PCDHGA5: variants seen among roughly 807,000 people sequenced by gnomAD.
PCDHGA5 encodes protocadherin gamma subfamily A, 5.
Under a neutral mutation model 56.7 loss-of-function variants are expected in PCDHGA5, and 36 were observed. The observed-to-expected ratio is 0.64, with a 90% CI of 0.49 to 0.84. PCDHGA5 has a LOEUF of 0.84. Among genes scored for constraint, PCDHGA5 ranks in the 40% least tolerant of loss-of-function variants. The pLI, the probability that PCDHGA5 is intolerant of heterozygous loss-of-function variation, is 0.00. For synonymous variants in PCDHGA5, 563 were observed against 520.2 expected (o/e 1.08, Z -1.12); for missense variants, 1,305 against 1,201.5 (o/e 1.09, Z -1.27).
intron 1 of PCDHGA5, chr5:141,375,897 C>A (rs1456506633): frequency 3.7e-6 from 6 of 1,613,680 alleles, no homozygotes; most frequent in Non-Finnish European, 5.1e-6. Context: ...GCCTGGCTGT[C>A]CTACCGCCTG....
At chr5:141,369,400 T>A (rs1766214722) in intron 1 of PCDHGA5, among the ~76,000 whole-genome samples, 2 of 152,120 alleles carry the variant, frequency 1.3e-5, no homozygotes, top group Non-Finnish European at 2.9e-5. Flanking sequence ...GCCAGGGTGG[T>A]TCATGACTAT....
intron 1 of PCDHGA5, among the ~76,000 whole-genome samples, chr5:141,425,417 G>A (rs1238708306): frequency 2.0e-5 from 3 of 152,162 alleles, no homozygotes; most frequent in East Asian, 3.9e-4. Context: ...ATAACATATA[G>A]TCCCATTAAA....
intron 1 of PCDHGA5, chr5:141,408,907 C>T: frequency 6.2e-7 from 1 of 1,613,244 alleles, no homozygotes; most frequent in East Asian, 2.2e-5. Context: ...TCAAGGATAC[C>T]AATGATAACC....
intron 1 of PCDHGA5, chr5:141,372,982 GT>G: frequency 1.6e-6 from 1 of 641,336 alleles, no homozygotes; most frequent in East Asian, 2.8e-5. Flanking sequence ...GAATATCTGT[GT>G]TGCAGTTGTT....
chr5:141,483,660 G>GTCTGTA (rs2099584988), intron 1 of PCDHGA5, among the ~76,000 whole-genome samples: 1 of 152,094 alleles, frequency 6.6e-6, no homozygotes, highest in Non-Finnish European at 1.5e-5. Context: ...GTGTGTGTGT[G>GTCTGTA]TGTGTGTGTA....
At chr5:141,438,210 A>G (rs1228726792) in intron 1 of PCDHGA5, among the ~76,000 whole-genome samples, 2 of 152,188 alleles carry the variant, frequency 1.3e-5, no homozygotes, top group Non-Finnish European at 2.9e-5. Flanking sequence ...ACCATATGGG[A>G]AGGGCTCTGG....
At chr5:141,423,375 G>C in intron 1 of PCDHGA5, 1 of 1,614,192 alleles carries the variant, frequency 6.2e-7, no homozygotes, top group Non-Finnish European at 8.5e-7. Context: ...TGGCACTCAG[G>C]CTGTGGCGCT....
intron 1 of PCDHGA5, among the ~76,000 whole-genome samples, chr5:141,447,527 A>C (rs1278828003): frequency 6.6e-6 from 1 of 152,224 alleles, no homozygotes; most frequent in East Asian, 1.9e-4. Flanking sequence ...TCATAACAAA[A>C]TTGTTGGGTT....
chr5:141,477,719 T>C lies in PCDHGA5; in HGVS notation c.2422-17088T>C. 6.2e-7 allele frequency: 1 copy of C among 1,613,876 alleles called. No individual in the cohort carries two copies. Among genetic ancestry groups the C allele is most frequent in the Non-Finnish European group, 8.5e-7 (1 of 1,180,028 alleles). ...CTATGAGGATCGGCGGGAATTTGAA[T>C]TAACAGCTCATATCAGCGATGGGGG... On this transcript the variant is annotated intron_variant, in intron 1 of 3. Transcript: ENST00000518069. The surrounding 1 kb of genome is among the most constrained non-coding windows in gnomAD (Gnocchi z 4.9).
chr5:141,371,477 G>A (rs1027262154), intron 1 of PCDHGA5: 3 of 1,613,854 alleles, frequency 1.9e-6, no homozygotes, highest in Non-Finnish European at 2.5e-6. Flanking sequence ...AAGATGCTGA[G>A]CTGGGGACTG....
In PCDHGA5 at chr5:141,485,818, C is replaced by T; in HGVS notation, c.2422-8989C>T. 6 of 1,613,912 alleles carry T rather than the reference C, an allele frequency of 3.7e-6. No homozygotes were observed. The highest frequency in any genetic ancestry group is 5.1e-6 in the Non-Finnish European group (6 of 1,179,974). On this transcript the variant is annotated intron_variant, in intron 1 of 3. Transcript: ENST00000518069. This position sits in a 1 kb window ranked among gnomAD's most constrained non-coding sequence, Gnocchi z 5.7. ...ACTACCGCCTGGTGCTGACTGCTGTCGATGGAGGGAACCCGCCGAGATCTG... is the reference window on the plus strand; with the variant it reads ...ACTACCGCCTGGTGCTGACTGCTGTTGATGGAGGGAACCCGCCGAGATCTG...
At chr5:141,509,081 A>G (rs1279221589) in intron 3 of PCDHGA5, among the ~76,000 whole-genome samples, 1 of 152,160 alleles carries the variant, frequency 6.6e-6, no homozygotes, top group African/African-American at 2.4e-5. Flanking sequence ...GATTTGCGAC[A>G]TGAAATGGGG....
At chr5:141,505,616 C>T in intron 3 of PCDHGA5, 135 bp downstream of exon 3, 2 of 1,503,162 alleles carry the variant, frequency 1.3e-6, no homozygotes, top group South Asian at 1.3e-5. Flanking sequence ...CTGAAAGGAC[C>T]CACAATTCCA....
At chr5:141,384,823 C>T (rs1780554130) in intron 1 of PCDHGA5, 1 of 1,613,490 alleles carries the variant, frequency 6.2e-7, no homozygotes, top group South Asian at 1.1e-5. Flanking sequence ...CAAGCAGAGC[C>T]TCGTGGTGGC....
intron 1 of PCDHGA5, chr5:141,413,694 C>G (rs2095667651): frequency 1.2e-6 from 2 of 1,613,800 alleles, no homozygotes; most frequent in East Asian, 4.5e-5. Context: ...CCCTGCAGAG[C>G]TATCAGCTCA....
chr5:141,383,083 C>G, intron 1 of PCDHGA5: 1 of 1,613,852 alleles, frequency 6.2e-7, no homozygotes. Flanking sequence ...GCTGGCGGAG[C>G]GCGGAGTCCG....
chr5:141,385,615 T>C, intron 1 of PCDHGA5: 2 of 1,097,512 alleles, frequency 1.8e-6, no homozygotes, highest in East Asian at 4.2e-5. Flanking sequence ...ATATATTTTA[T>C]ACATTGGAAT....
At chr5:141,427,825 C>T (rs1342117815) in intron 1 of PCDHGA5, 2 of 1,536,464 alleles carry the variant, frequency 1.3e-6, no homozygotes, top group Non-Finnish European at 1.8e-6. Flanking sequence ...GTGGTGGTCG[C>T]GCAGCGTGCC....
At chr5:141,413,411 T>TC in intron 1 of PCDHGA5, 1 of 1,614,038 alleles carries the variant, frequency 6.2e-7, no homozygotes, top group Non-Finnish European at 8.5e-7. Flanking sequence ...ACGCAGCTTT[T>TC]CTCTCTGAAC....
Sources: gnomAD v4.1 joint callset for allele counts (sites outside exome capture counted in the v4.1 genomes callset) on GRCh38, gnomAD v4.1.1 for gene constraint, Gnocchi (gnomAD v3.1) non-coding constraint, MANE v1.5 for transcripts, NCBI Gene and HGNC (gene_info 2026-07-23, HGNC 2026-07-21) for gene names.